Variants in ANKRD30BL observed in about 807,000 individuals in gnomAD.
ANKRD30BL encodes putative ankyrin repeat domain-containing protein 30B-like.
ANKRD30BL carries 20 observed loss-of-function variants against 18.4 expected under a neutral mutation model. The ratio of observed to expected loss-of-function variants is 1.09; its 90% CI spans 0.77 to 1.58. The LOEUF is 1.58. Among genes scored for constraint, ANKRD30BL ranks in the 40% most tolerant of loss-of-function variants. The probability of loss-of-function intolerance (pLI) is 0.00; values close to 1 mark genes in which losing one functional copy is unlikely to be tolerated. For synonymous variants in ANKRD30BL, 72 were observed against 100.9 expected (o/e 0.71, Z 1.72); for missense variants, 224 against 268.6 (o/e 0.83, Z 1.16).
In ANKRD30BL at chr2:132,234,396, G is replaced by T. The variant is rs567108420; in HGVS notation, n.441+23133C>A. Among the ~76,000 whole-genome samples, 37 of 152,078 alleles carry T rather than the reference G, an allele frequency of 2.4e-4. No homozygotes were observed. In the East Asian group the frequency reaches 6.6e-3, roughly 27 times the overall value. ...CCCTTCAAAAAATTAATGAATCCAG[G>T]AGCTGGTTTTTTGAAAGGATCAACA... On this transcript the variant is annotated intron_variant and non_coding_transcript_variant, in intron 1 of 4. Coordinates refer to the ANKRD30BL transcript ENST00000470729.
chr2:132,251,207 A>G (rs1680638624), intron 1 of ANKRD30BL, among the ~76,000 whole-genome samples: 2 of 152,216 alleles, frequency 1.3e-5, no homozygotes, highest in African/African-American at 4.8e-5. Context: ...GGTACTCTTC[A>G]CTAATTCCAG....
At chr2:132,164,269 C>CTTTTCTTTTTTTT (rs1438777753), upstream of ANKRD30BL, among the ~76,000 whole-genome samples, 6 of 112,222 alleles carry the variant, frequency 5.3e-5, no homozygotes, top group African/African-American at 1.7e-4. Context: ...TTTTCTTTTT[C>CTTTTCTTTTTTTT]TTTTTTTTTT....
intron 1 of ANKRD30BL, among the ~76,000 whole-genome samples, chr2:132,245,041 G>A (rs973863869): frequency 1.3e-5 from 2 of 152,296 alleles, no homozygotes; most frequent in African/African-American, 2.4e-5. Context: ...CACTGTTCTT[G>A]TAGAATTTAC....
At position 132,193,436 on chromosome 2, in the gene ANKRD30BL, G is replaced by A. The variant is rs534099709; in HGVS notation, n.442-36290C>T. On this transcript the variant is annotated intron_variant and non_coding_transcript_variant, in intron 1 of 4. Transcript: ENST00000470729. ...TTTGGCACTTCTGTTCACAGATCCT[G>A]AGCCAGGACCACTTTTCTGAGGCTT... Among the ~76,000 whole-genome samples the A allele has an allele frequency of 2.0e-5, 3 of 152,204 alleles. No individual in the cohort carries two copies. The South Asian group carries it at 6.2e-4, about 32-fold the overall frequency.
chr2:132,182,513 G>A (rs544314470), intron 1 of ANKRD30BL, among the ~76,000 whole-genome samples: 1 of 151,728 alleles, frequency 6.6e-6, no homozygotes, highest in South Asian at 2.1e-4. Context: ...TTGTGAATTT[G>A]TATGCAGTTC....
intron 1 of ANKRD30BL, among the ~76,000 whole-genome samples, chr2:132,170,923 G>T (rs908388245): frequency 6.6e-6 from 1 of 152,142 alleles, no homozygotes; most frequent in South Asian, 2.1e-4. Context: ...TTGGGAGGCC[G>T]AGGCGGGCGG....
At chr2:132,187,418 G>A (rs558168818) in intron 1 of ANKRD30BL, among the ~76,000 whole-genome samples, 27 of 151,900 alleles carry the variant, frequency 1.8e-4, no homozygotes, top group African/African-American at 6.0e-4. Flanking sequence ...TTCCTCAAGC[G>A]ATTCTCTTGC....
chr2:132,198,933 T>C (rs1484740707), intron 1 of ANKRD30BL, among the ~76,000 whole-genome samples: 1 of 152,168 alleles, frequency 6.6e-6, no homozygotes, highest in African/African-American at 2.4e-5. Flanking sequence ...CTTGTATTTT[T>C]AAGGTTTCAT....
In ANKRD30BL at chr2:132,257,223, C is replaced by A. The variant is rs371150862; in HGVS notation, n.441+306G>T. ...AGCTCCAGGAGACCGGCATGCCCCC[C>A]ACTTGGGACGCTTCCCAGGGCCAGG... On this transcript the variant is annotated intron_variant and non_coding_transcript_variant, in intron 1 of 4. Transcript: ENST00000470729. The A allele has an allele frequency of 7.2e-4, 293 of 405,142 alleles. 1 individual carries two copies. The highest frequency in any genetic ancestry group is 5.1e-3 in the African/African-American group (246 of 47,806). 25.1% of individuals were successfully genotyped at this position (405,142 alleles called of 1,614,324 possible).
intron 1 of ANKRD30BL, among the ~76,000 whole-genome samples, chr2:132,253,806 G>T (rs149990018): frequency 2.6e-5 from 4 of 151,946 alleles, no homozygotes; most frequent in South Asian, 2.1e-4. Flanking sequence ...GGCGGATGAG[G>T]GGGGTGGGAC....
chr2:132,191,737 A>ATT lies in ANKRD30BL; in HGVS notation n.442-34593_442-34592dup, dbSNP rs777830399. Among the ~76,000 whole-genome samples the ATT allele has an allele frequency of 2.9e-3, 319 of 111,872 alleles. 6 individuals carry two copies. The highest frequency in any genetic ancestry group is 9.5e-3 in the African/African-American group (260 of 27,472). 73.4% of individuals were successfully genotyped at this position (111,872 alleles called of 152,430 possible). ...GTTTGACTTCTCACTATGGAGTTTGATTTTTTTTTTTTTTTTTTTTTGGAG... is the reference window on the plus strand; with the variant it reads ...GTTTGACTTCTCACTATGGAGTTTGATTTTTTTTTTTTTTTTTTTTTTTGGAG... On this transcript the variant is annotated intron_variant and non_coding_transcript_variant, in intron 1 of 4. Coordinates refer to the ANKRD30BL transcript ENST00000470729.
At chr2:132,189,362 A>G (rs1444735385) in intron 1 of ANKRD30BL, among the ~76,000 whole-genome samples, 1 of 152,218 alleles carries the variant, frequency 6.6e-6, no homozygotes, top group Non-Finnish European at 1.5e-5. Context: ...ATATCTTTTG[A>G]CTATGACACA....
chr2:132,221,989 A>G (rs1252755317), intron 1 of ANKRD30BL, among the ~76,000 whole-genome samples: 1 of 118,950 alleles, frequency 8.4e-6, no homozygotes, highest in Non-Finnish European at 1.7e-5. Context: ...GGCCGCCCCT[A>G]CTGGGAAGTG....
At chr2:132,220,378 CCA>C in intron 1 of ANKRD30BL, among the ~76,000 whole-genome samples, 1 of 142,934 alleles carries the variant, frequency 7.0e-6, no homozygotes, top group East Asian at 2.1e-4. Context: ...CTCCCTCTCC[CCA>C]CGGTCTCCTT....
At chr2:132,204,887 A>C (rs557123350) in intron 1 of ANKRD30BL, among the ~76,000 whole-genome samples, 1 of 152,220 alleles carries the variant, frequency 6.6e-6, no homozygotes, top group Non-Finnish European at 1.5e-5. Context: ...GGGGAGAATC[A>C]GTTGACATTT....
At position 132,161,583 on chromosome 2, in the gene ANKRD30BL, C is replaced by A. The variant is rs1346500848; in HGVS notation, c.123G>T (p.Lys41Asn). The change falls in exon 1 of 6, where the codon AAG (lysine) becomes AAT (asparagine). Residue 41 changes from lysine to asparagine, a missense_variant. Physicochemically the swap from Lys to Asn is moderately conservative, Grantham distance 94. Transcript: ENST00000409867. The stretch of plus-strand genomic sequence containing the variant: ...GGCCCCGGGAGGCAGCTTTGTGGAT[C>A]TTCCTGAGATCCCCATGGTGAATCA... ...SYVIHHGDLR[K>N]IHKAASRGQA... 1 of 1,456,246 alleles carries A rather than the reference C, an allele frequency of 6.9e-7. No homozygotes were observed. 90.2% of individuals were successfully genotyped at this position (1,456,246 alleles called of 1,614,324 possible).
intron 1 of ANKRD30BL, among the ~76,000 whole-genome samples, chr2:132,172,994 C>T (rs542789525): frequency 6.6e-6 from 1 of 152,242 alleles, no homozygotes; most frequent in South Asian, 2.1e-4. Flanking sequence ...GCGTGAGCCA[C>T]CACACCTGGT....
At chr2:132,241,387 G>C (rs1055295407) in intron 1 of ANKRD30BL, among the ~76,000 whole-genome samples, 4 of 151,756 alleles carry the variant, frequency 2.6e-5, no homozygotes, top group Non-Finnish European at 4.4e-5. Flanking sequence ...AAACTTCTTT[G>C]TGATGTTTCT....
At chr2:132,197,180 G>T (rs1201447425) in intron 1 of ANKRD30BL, among the ~76,000 whole-genome samples, 1 of 148,650 alleles carries the variant, frequency 6.7e-6, no homozygotes, top group East Asian at 1.9e-4. Context: ...CCATTGCAGA[G>T]GAAAGACTTG....
Sources: gnomAD v4.1 joint callset for allele counts (sites outside exome capture counted in the v4.1 genomes callset) on GRCh38, gnomAD v4.1.1 for gene constraint, MANE v1.5 for transcripts, NCBI Gene and HGNC (gene_info 2026-07-23, HGNC 2026-07-21) for gene names.